CATSPERT: variants seen among roughly 807,000 people sequenced by gnomAD.
CATSPERT encodes catsper channel auxiliary subunit tau.
chr2:201,582,169 T>C, the CATSPERT span: 46 of 1,609,150 alleles, frequency 2.9e-5, no homozygotes, highest in Non-Finnish European at 3.8e-5. Flanking sequence ...TCATATTGTA[T>C]GAGTTCCAAT....
the CATSPERT span, among the ~76,000 whole-genome samples, chr2:201,499,574 C>T: frequency 6.6e-6 from 1 of 152,078 alleles, no homozygotes; most frequent in South Asian, 2.1e-4. Flanking sequence ...TGGCTCACAC[C>T]TGTAATCCCA....
the CATSPERT span, chr2:201,545,473 T>C: frequency 9.6e-7 from 1 of 1,041,656 alleles, no homozygotes; most frequent in Non-Finnish European, 1.4e-6. Context: ...AATTACTAAT[T>C]GTCTTTTTGT....
At chr2:201,515,201 AGTTTTTTTTTT>A in the CATSPERT span, among the ~76,000 whole-genome samples, 128 of 70,270 alleles carry the variant, frequency 1.8e-3, 32 homozygotes, top group Admixed American at 3.2e-3. Context: ...ATCTGCCCAT[AGTTTTTTTTTT>A]TTTTTTTTTT....
At chr2:201,525,345 A>G in the CATSPERT span, among the ~76,000 whole-genome samples, 1 of 152,330 alleles carries the variant, frequency 6.6e-6, no homozygotes, top group Non-Finnish European at 1.5e-5. Flanking sequence ...AGACAACCTA[A>G]TTCTGAATGA....
chr2:201,607,878 G>C, the CATSPERT span, among the ~76,000 whole-genome samples: 1 of 152,150 alleles, frequency 6.6e-6, no homozygotes, highest in Non-Finnish European at 1.5e-5. Flanking sequence ...AATCCCATAT[G>C]CTGAGAAGAG....
At chr2:201,608,211 A>G in the CATSPERT span, among the ~76,000 whole-genome samples, 1 of 152,110 alleles carries the variant, frequency 6.6e-6, no homozygotes, top group Non-Finnish European at 1.5e-5. Context: ...GCAGTGGTAC[A>G]ATCATAGCTC....
the CATSPERT span, among the ~76,000 whole-genome samples, chr2:201,510,003 G>C: frequency 6.6e-6 from 1 of 150,806 alleles, no homozygotes; most frequent in Non-Finnish European, 1.5e-5. Flanking sequence ...ATTTTAAATA[G>C]GAAATACAGT....
At chr2:201,489,391 A>AG in the CATSPERT span, among the ~76,000 whole-genome samples, 1 of 152,220 alleles carries the variant, frequency 6.6e-6, no homozygotes, top group Admixed American at 6.5e-5. Context: ...CTTTTTTCCG[A>AG]GTGTGTAGAC....
chr2:201,495,693 T>C, the CATSPERT span, among the ~76,000 whole-genome samples: 905 of 151,418 alleles, frequency 6.0e-3, 10 homozygotes, highest in African/African-American at 0.021. Context: ...TGGTTTTTTT[T>C]TTTTTTTTTT....
At chr2:201,604,741 A>G in the CATSPERT span, 13 of 1,419,256 alleles carry the variant, frequency 9.2e-6, no homozygotes, top group African/African-American at 5.7e-5. Context: ...AAAGACAAAC[A>G]TAACTAGATG....
the CATSPERT span, among the ~76,000 whole-genome samples, chr2:201,601,082 T>G: frequency 1.3e-5 from 2 of 152,032 alleles, no homozygotes; most frequent in Non-Finnish European, 2.9e-5. Flanking sequence ...ACATTTAAGA[T>G]TCTAATAAGC....
chr2:201,488,009 A>T, the CATSPERT span: 6 of 900,062 alleles, frequency 6.7e-6, no homozygotes, highest in Non-Finnish European at 9.9e-6. Flanking sequence ...AAAGAAAAAC[A>T]AACAAGGACT....
chr2:201,614,583 C>T, the CATSPERT span, among the ~76,000 whole-genome samples: 3 of 152,148 alleles, frequency 2.0e-5, no homozygotes, highest in South Asian at 2.1e-4. Flanking sequence ...AAGGAACAAT[C>T]GGTACCAGCC....
chr2:201,488,974 T>C, the CATSPERT span, among the ~76,000 whole-genome samples: 1 of 152,200 alleles, frequency 6.6e-6, no homozygotes, highest in Non-Finnish European at 1.5e-5. Flanking sequence ...ACAGCTGATA[T>C]AACTTGATTA....
chr2:201,589,612 G>C, the CATSPERT span, among the ~76,000 whole-genome samples: 1 of 152,080 alleles, frequency 6.6e-6, no homozygotes, highest in Admixed American at 6.6e-5. Context: ...ACTCAAGATT[G>C]ATTAAATATT....
the CATSPERT span, among the ~76,000 whole-genome samples, chr2:201,498,048 G>T: frequency 2.0e-5 from 3 of 152,084 alleles, no homozygotes; most frequent in Admixed American, 6.6e-5. Flanking sequence ...AATCAGGGGG[G>T]TCTGAGAAGC....
chr2:201,539,255 G>A, the CATSPERT span, among the ~76,000 whole-genome samples: 7 of 152,130 alleles, frequency 4.6e-5, no homozygotes, highest in Non-Finnish European at 8.8e-5. Flanking sequence ...GTCTTCTACA[G>A]TAGTTGAACT....
At chr2:201,496,300 A>G in the CATSPERT span, among the ~76,000 whole-genome samples, 105 of 152,276 alleles carry the variant, frequency 6.9e-4, no homozygotes, top group Admixed American at 4.0e-3. Flanking sequence ...GCCTTTACAC[A>G]ATACATGGCA....
the CATSPERT span, among the ~76,000 whole-genome samples, chr2:201,514,344 A>C: frequency 2.6e-5 from 4 of 152,204 alleles, no homozygotes; most frequent in African/African-American, 4.8e-5. Flanking sequence ...CATTATAACC[A>C]AGTAGGGTTG....
Sources: allele counts gnomAD v4.1 joint callset (sites outside exome capture counted in the v4.1 genomes callset), GRCh38; gene constraint gnomAD v4.1.1; transcripts MANE v1.5; gene names NCBI Gene and HGNC (gene_info 2026-07-23, HGNC 2026-07-21).